Variants in MIPOL1 observed in about 807,000 individuals in gnomAD.
The protein encoded by MIPOL1 is mirror-image polydactyly gene 1 protein.
Under a neutral mutation model 60.9 loss-of-function variants are expected in MIPOL1, and 57 were observed. That is an observed-to-expected ratio of 0.94 (90% CI 0.76 to 1.17). MIPOL1 has a LOEUF of 1.17. Among genes scored for constraint, MIPOL1 ranks in the 50% most tolerant of loss-of-function variants. The pLI, the probability that MIPOL1 is intolerant of heterozygous loss-of-function variation, is 0.00. For synonymous variants in MIPOL1, 179 were observed against 168.8 expected, an observed-to-expected ratio of 1.06 and a Z score of -0.47; for missense variants, 551 against 511.6, an observed-to-expected ratio of 1.08 and a Z score of -0.74.
At chr14:37,280,699 C>T (rs1172319956) in intron 6 of MIPOL1, among the ~76,000 whole-genome samples, 4 of 152,116 alleles carry the variant, frequency 2.6e-5, no homozygotes, top group African/African-American at 7.2e-5. Flanking sequence ...CACTCTGTCG[C>T]CCAGGCTGGA....
intron 11 of MIPOL1, among the ~76,000 whole-genome samples, chr14:37,489,439 A>G (rs2095011071): frequency 6.6e-6 from 1 of 152,110 alleles, no homozygotes; most frequent in Non-Finnish European, 1.5e-5. Flanking sequence ...CACCTACTAA[A>G]GCCTACTTCT....
At chr14:37,363,047 G>T (rs1200068930) in intron 9 of MIPOL1, among the ~76,000 whole-genome samples, 1 of 152,070 alleles carries the variant, frequency 6.6e-6, no homozygotes. Context: ...CTTGCCATGG[G>T]TTAGAACATG....
chr14:37,497,836 G>A (rs1485467941), intron 11 of MIPOL1, among the ~76,000 whole-genome samples: 1 of 152,256 alleles, frequency 6.6e-6, no homozygotes, highest in East Asian at 1.9e-4. Context: ...GTACAAATTG[G>A]TACAACTAAT....
At chr14:37,493,048 T>C (rs979034199) in intron 11 of MIPOL1, among the ~76,000 whole-genome samples, 4 of 152,164 alleles carry the variant, frequency 2.6e-5, no homozygotes, top group Admixed American at 1.3e-4. Flanking sequence ...ACACTAATGA[T>C]TGAGCAATTA....
chr14:37,479,762 T>A (rs971361279), intron 11 of MIPOL1, among the ~76,000 whole-genome samples: 56 of 151,882 alleles, frequency 3.7e-4, no homozygotes, highest in African/African-American at 1.3e-3. Flanking sequence ...ATTGGTTTTT[T>A]AAAAAGATAA....
At chr14:37,367,664 G>C (rs1221555495) in intron 9 of MIPOL1, among the ~76,000 whole-genome samples, 2 of 151,898 alleles carry the variant, frequency 1.3e-5, no homozygotes, top group African/African-American at 4.8e-5. Context: ...TCCATGAAAC[G>C]TTCTTTCTCC....
At position 37,409,438 on chromosome 14, in the gene MIPOL1, T is replaced by A. The variant is rs199951493; in HGVS notation, c.937-13417T>A. Among the ~76,000 whole-genome samples the A allele has an allele frequency of 2.6e-5, 4 of 151,852 alleles. No individual in the cohort carries two copies. The East Asian group carries it at 7.7e-4, about 29-fold the overall frequency. On this transcript the variant is annotated intron_variant, in intron 10 of 12. Transcript: ENST00000684589. The stretch of plus-strand genomic sequence containing the variant: ...TTCTTACAAAAAAAGACAAAAAAAT[T>A]ATTTAGAACTAAAACACTCTGTGAG...
chr14:37,453,629 A>G (rs1396196372), intron 11 of MIPOL1, among the ~76,000 whole-genome samples: 2 of 152,110 alleles, frequency 1.3e-5, no homozygotes, highest in Non-Finnish European at 2.9e-5. Context: ...ATTGAATACC[A>G]TGTTTATAAG....
chr14:37,451,883 C>T (rs1394235258), intron 11 of MIPOL1, among the ~76,000 whole-genome samples: 1 of 137,788 alleles, frequency 7.3e-6, no homozygotes, highest in South Asian at 2.2e-4. Flanking sequence ...GGCGCAATCT[C>T]GGCTCACTGC....
chr14:37,530,821 AT>A (rs753614964), intron 12 of MIPOL1, among the ~76,000 whole-genome samples: 5,734 of 144,646 alleles, frequency 0.04, 331 homozygotes, highest in African/African-American at 0.13. Flanking sequence ...TGTAGAAAGG[AT>A]TTTTTTTTTT....
chr14:37,224,239 C>G (rs150046690), intron 1 of MIPOL1, among the ~76,000 whole-genome samples: 1 of 152,038 alleles, frequency 6.6e-6, no homozygotes, highest in East Asian at 1.9e-4. Flanking sequence ...CGGCACTTTG[C>G]GAGGCTGAGG....
intron 9 of MIPOL1, among the ~76,000 whole-genome samples, chr14:37,362,951 A>T (rs867086295): frequency 4.6e-5 from 7 of 152,222 alleles, no homozygotes; most frequent in Middle Eastern, 3.4e-3. Flanking sequence ...CATGGTTTTC[A>T]GCTCTGTCAG....
chr14:37,422,700 G>T (rs1191622101), intron 10 of MIPOL1, among the ~76,000 whole-genome samples, 155 bp from the exon 11 acceptor site: 2 of 151,358 alleles, frequency 1.3e-5, no homozygotes, highest in Non-Finnish European at 2.9e-5. Flanking sequence ...AATGCCTTTA[G>T]ACTATTTTCT....
At chr14:37,394,338 G>A (rs924678670) in intron 10 of MIPOL1, among the ~76,000 whole-genome samples, 2 of 151,732 alleles carry the variant, frequency 1.3e-5, no homozygotes, top group East Asian at 3.9e-4. Context: ...GAATTTTCAC[G>A]CTGTTTTCCA....
chr14:37,434,400 G>A (rs1035808145), intron 11 of MIPOL1: 10 of 151,860 alleles, frequency 6.6e-5, no homozygotes, highest in African/African-American at 1.4e-4. Context: ...TTGTAAATTT[G>A]TTTAAGTTCC....
chr14:37,318,524 G>A (rs2088184307), intron 9 of MIPOL1, among the ~76,000 whole-genome samples: 1 of 151,980 alleles, frequency 6.6e-6, no homozygotes, highest in Non-Finnish European at 1.5e-5. Context: ...TTTTCAGTCA[G>A]TCTTGCTAAA....
intron 11 of MIPOL1, among the ~76,000 whole-genome samples, chr14:37,475,230 G>T (rs1354995883): frequency 6.6e-6 from 1 of 152,052 alleles, no homozygotes; most frequent in Admixed American, 6.6e-5. Context: ...CTCCCAAAGT[G>T]CTGGGATCAC....
intron 9 of MIPOL1, among the ~76,000 whole-genome samples, chr14:37,334,430 G>A (rs1333717183): frequency 2.0e-5 from 3 of 151,992 alleles, no homozygotes; most frequent in South Asian, 4.1e-4. Context: ...TTATCCATAC[G>A]CAAATCAATG....
intron 11 of MIPOL1, among the ~76,000 whole-genome samples, chr14:37,475,416 T>A (rs1210926453): frequency 1.3e-5 from 2 of 152,236 alleles, no homozygotes; most frequent in African/African-American, 4.8e-5. Flanking sequence ...CAGAAATTTT[T>A]ACTTTTAATG....
Sources: allele counts gnomAD v4.1 joint callset (sites outside exome capture counted in the v4.1 genomes callset), GRCh38; gene constraint gnomAD v4.1.1; transcripts MANE v1.5; gene names NCBI Gene and HGNC (gene_info 2026-07-23, HGNC 2026-07-21).